The following TJP2 variants were observed in gnomAD, a reference collection of about 807,000 sequenced individuals.
The protein encoded by TJP2 is tight junction protein 2, also known as Friedreich ataxia region gene X104 (tight junction protein ZO-2).
Under a neutral mutation model 133.1 loss-of-function variants are expected in TJP2, and 91 were observed. The observed-to-expected ratio is 0.68, with a 90% confidence interval of 0.58 to 0.81. The LOEUF is 0.81. TJP2 is among the 40% of genes least tolerant of loss of function. The pLI is 0.00. For missense variants in TJP2, 1,541 were observed against 1,565.6 expected (o/e 0.98, Z 0.26); for synonymous variants, 592 against 583.4 (o/e 1.01, Z -0.21).
intron 1 of TJP2, among the ~76,000 whole-genome samples, chr9:69,203,607 ATTTT>A (rs754221310): frequency 1.1e-3 from 76 of 67,840 alleles, no homozygotes; most frequent in African/African-American, 3.6e-3. Context: ...CCCAGCCTGG[ATTTT>A]TTTTTTTTTT....
chr9:69,159,884 G>T lies in TJP2; in HGVS notation c.-10+8113G>T, dbSNP rs954497653. Among the ~76,000 whole-genome samples, 4 of 121,424 alleles carry T rather than the reference G, an allele frequency of 3.3e-5. 1 individual carries two copies. Among genetic ancestry groups the T allele is most frequent in the Admixed American group, 2.9e-4 (3 of 10,378 alleles). 79.7% of individuals were successfully genotyped at this position (121,424 alleles called of 152,430 possible). On this transcript the variant is annotated intron_variant, in intron 2 of 5. Transcript: ENST00000423935. ...TGTCTCAAAAAAAAAAAAAAAGAAA[G>T]AAATATATACATATATATATATATG...
chr9:69,213,220 C>T (rs35464930), intron 2 of TJP2, among the ~76,000 whole-genome samples: 1 of 151,984 alleles, frequency 6.6e-6, no homozygotes, highest in Non-Finnish European at 1.5e-5. Flanking sequence ...CCTATCACCA[C>T]GCCCGGCTAA....
At chr9:69,197,799 G>T (rs777637465) in intron 1 of TJP2, among the ~76,000 whole-genome samples, 7 of 152,174 alleles carry the variant, frequency 4.6e-5, no homozygotes, top group Non-Finnish European at 8.8e-5. Flanking sequence ...GTGTGTAGGG[G>T]GACTGAGCTT....
chr9:69,166,342 A>G (rs1054558322), intron 2 of TJP2, among the ~76,000 whole-genome samples: 16 of 152,124 alleles, frequency 1.1e-4, no homozygotes, highest in Middle Eastern at 3.4e-3. Context: ...GGCTCAAACA[A>G]TCCTCCCATC....
At chr9:69,182,793 T>TC (rs1478679015) in intron 1 of TJP2, among the ~76,000 whole-genome samples, 2 of 150,082 alleles carry the variant, frequency 1.3e-5, no homozygotes, top group Non-Finnish European at 3.0e-5. Context: ...AATTTCTTTT[T>TC]TTTTTTTTTT....
At chr9:69,215,464 AGCCTT>A (rs1828294455) in intron 2 of TJP2, among the ~76,000 whole-genome samples, 1 of 151,878 alleles carries the variant, frequency 6.6e-6, no homozygotes, top group African/African-American at 2.4e-5. Context: ...GGCTTGTTGA[AGCCTT>A]GACCTCACAG....
chr9:69,220,778 C>T (rs898884567), intron 4 of TJP2, 109 bp from the exon 5 acceptor site: 13 of 1,044,450 alleles, frequency 1.2e-5, no homozygotes, highest in Admixed American at 3.8e-5. Flanking sequence ...CTTAGTGAGT[C>T]GGCAGGGATA....
At chr9:69,252,988 A>G (rs1831452369) in intron 22 of TJP2, 88 bp downstream of exon 22, 1 of 1,258,156 alleles carries the variant, frequency 7.9e-7, no homozygotes, top group East Asian at 2.4e-5. Context: ...CCCAAATTTC[A>G]GAGTAACAGG....
At chr9:69,177,351 AAC>A (rs1825171691) in intron 1 of TJP2, among the ~76,000 whole-genome samples, 1 of 152,224 alleles carries the variant, frequency 6.6e-6, no homozygotes, top group African/African-American at 2.4e-5. Flanking sequence ...TAGGGTCAGA[AAC>A]ACAGACTCAG....
rs538975647 is a variant in TJP2 at position 69,230,314 on chromosome 9, A to C, written c.1671+82A>C. 170 of 1,578,418 alleles carry C rather than the reference A, an allele frequency of 1.1e-4. No individual in the cohort carries two copies. In the African/African-American group the frequency reaches 2.1e-3, roughly 19 times the overall value. ...GGTGTTCTTTCTGTAAGGGAAGACA[A>C]AATGGTTCAGCTGGTGAAATAGAGC... On this transcript the variant is annotated intron_variant, in intron 11 of 22. Transcript: ENST00000377245.
chr9:69,135,514 C>T (rs1822692059), intron 1 of TJP2, among the ~76,000 whole-genome samples: 1 of 152,132 alleles, frequency 6.6e-6, no homozygotes, highest in Non-Finnish European at 1.5e-5. Context: ...GATCTCAGCT[C>T]ACTGCAACCT....
upstream of TJP2, among the ~76,000 whole-genome samples, chr9:69,173,105 T>A (rs1002866657): frequency 6.6e-6 from 1 of 152,184 alleles, no homozygotes; most frequent in Non-Finnish European, 1.5e-5. Flanking sequence ...TAGACTTGTT[T>A]TGATCAGGCA....
chr9:69,220,781 C>T, intron 4 of TJP2, 106 bp from the exon 5 acceptor site: 2 of 1,094,214 alleles, frequency 1.8e-6, no homozygotes, highest in South Asian at 2.6e-5. Context: ...AGTGAGTCGG[C>T]AGGGATACGG....
intron 1 of TJP2, among the ~76,000 whole-genome samples, chr9:69,132,928 G>C (rs1436847681): frequency 6.6e-6 from 1 of 151,956 alleles, no homozygotes; most frequent in Non-Finnish European, 1.5e-5. Context: ...CTGGTGCCTA[G>C]ATTTCTTCAT....
At chr9:69,159,980 C>G (rs1265061452) in intron 2 of TJP2, among the ~76,000 whole-genome samples, 1 of 150,496 alleles carries the variant, frequency 6.6e-6, no homozygotes, top group African/African-American at 2.4e-5. Context: ...GATGCTTTCC[C>G]AAGACTTAGA....
intron 1 of TJP2, among the ~76,000 whole-genome samples, chr9:69,131,083 C>G (rs1208721327): frequency 6.6e-6 from 1 of 152,118 alleles, no homozygotes; most frequent in African/African-American, 2.4e-5. Flanking sequence ...GGCCGTAGTC[C>G]CAGGGATCAT....
intron 5 of TJP2, 90 bp downstream of exon 5, chr9:69,221,586 CTCTGTCA>C (rs1828866049): frequency 6.7e-7 from 1 of 1,501,226 alleles, no homozygotes; most frequent in South Asian, 1.2e-5. Flanking sequence ...GAAAGTGTTG[CTCTGTCA>C]TCCAGGCTGG....
At chr9:69,156,555 G>A (rs1464789462) in intron 2 of TJP2, among the ~76,000 whole-genome samples, 1 of 131,226 alleles carries the variant, frequency 7.6e-6, no homozygotes, top group African/African-American at 2.9e-5. Flanking sequence ...TTTTTGAGAC[G>A]GAGTCTCGTT....
In TJP2 at chr9:69,230,172, C is replaced by A; in HGVS notation, c.1611C>A (p.Gly537=). 6.2e-7 allele frequency: 1 copy of A among 1,614,182 alleles called. No homozygotes were observed. Among genetic ancestry groups the A allele is most frequent in the East Asian group, 2.2e-5 (1 of 44,880 alleles). Residue 537 remains glycine (G), a synonymous_variant, in exon 11 of 23, where the codon GGC becomes GGA. Coordinates refer to ENST00000377245, the MANE Select transcript of TJP2 (RefSeq NM_004817.4). Reference sequence around the variant, plus strand: ...ATGATGTCGGGATATTTGTTGCTGGCATTCAAGAAGGGACCTCGGCGGAGC... The same window carrying A: ...ATGATGTCGGGATATTTGTTGCTGGAATTCAAGAAGGGACCTCGGCGGAGC... ...GGNDVGIFVA[G]IQEGTSAEQE...
Sources: gnomAD v4.1 joint callset for allele counts (sites outside exome capture counted in the v4.1 genomes callset) on GRCh38, gnomAD v4.1.1 for gene constraint, MANE v1.5 for transcripts, NCBI Gene and HGNC (gene_info 2026-07-23, HGNC 2026-07-21) for gene names.